The following C10orf90 variants were observed in gnomAD, a reference collection of about 807,000 sequenced individuals.
C10orf90 encodes the protein chromosome 10 open reading frame 90, also known as (E2-independent) E3 ubiquitin-conjugating enzyme FATS.
C10orf90 carries 56 observed loss-of-function variants against 62.5 expected under a neutral mutation model. The observed-to-expected ratio is 0.90, with a 90% CI of 0.72 to 1.12. The LOEUF (loss-of-function observed/expected upper bound fraction) is 1.12, where lower values mean the gene tolerates loss of function less well. Among genes scored for constraint, C10orf90 ranks in the 50% most tolerant of loss-of-function variants. C10orf90 has a pLI of 0.00. For missense variants in C10orf90, 970 were observed against 880.4 expected (o/e 1.10, Z -1.29); for synonymous variants, 386 against 340.4 (o/e 1.13, Z -1.47).
At chr10:126,646,303 A>G (rs1333177203) in intron 2 of C10orf90, among the ~76,000 whole-genome samples, 1 of 152,206 alleles carries the variant, frequency 6.6e-6, no homozygotes, top group Non-Finnish European at 1.5e-5. Context: ...CACATGCTCC[A>G]CGCTCTGCAG....
intron 2 of C10orf90, among the ~76,000 whole-genome samples, chr10:126,597,055 T>A (rs1413019486): frequency 6.6e-6 from 1 of 152,188 alleles, no homozygotes; most frequent in Non-Finnish European, 1.5e-5. Flanking sequence ...CAATATCAAG[T>A]GTTGCTGAAA....
At chr10:126,532,723 G>A (rs1031212274) in intron 2 of C10orf90, among the ~76,000 whole-genome samples, 1 of 149,712 alleles carries the variant, frequency 6.7e-6, no homozygotes, top group African/African-American at 2.5e-5. Context: ...TGTAGTCCCA[G>A]CTACTCCGGA....
At chr10:126,440,982 A>G (rs775011228) in intron 7 of C10orf90, among the ~76,000 whole-genome samples, 1 of 152,196 alleles carries the variant, frequency 6.6e-6, no homozygotes, top group Non-Finnish European at 1.5e-5. Context: ...GCTCTTTAAC[A>G]TCCCCCAAAA....
intron 7 of C10orf90, among the ~76,000 whole-genome samples, chr10:126,441,458 A>T (rs1429447275): frequency 6.6e-6 from 1 of 152,144 alleles, no homozygotes; most frequent in Non-Finnish European, 1.5e-5. Context: ...TGGAAAACAT[A>T]TTGGGGGAAT....
Position 126,628,919 on chromosome 10 carries a change from C to T in C10orf90, c.313+17646G>A, listed in dbSNP as rs538895682. Among the ~76,000 whole-genome samples, 5 of 152,322 alleles carry T rather than the reference C, an allele frequency of 3.3e-5. No homozygotes were observed. In the South Asian group the frequency reaches 8.3e-4, roughly 25 times the overall value. On this transcript the variant is annotated intron_variant, in intron 2 of 9. Coordinates refer to ENST00000488181, the MANE Select transcript of C10orf90 (RefSeq NM_001350921.2). The stretch of plus-strand genomic sequence containing the variant: ...CTGCCCCTTCCAAACACACTGCTAT[C>T]ATGGGTGCCCACCGCTGTGTAGACA...
intron 4 of C10orf90, among the ~76,000 whole-genome samples, chr10:126,490,015 A>ATATATTATGT (rs1258732646): frequency 9.5e-5 from 3 of 31,614 alleles, no homozygotes; most frequent in African/African-American, 1.4e-4. Flanking sequence ...TATATATATT[A>ATATATTATGT]TATATAATAT....
chr10:126,573,946 A>G (rs1457277888), intron 2 of C10orf90, among the ~76,000 whole-genome samples: 1 of 152,056 alleles, frequency 6.6e-6, no homozygotes, highest in Non-Finnish European at 1.5e-5. Flanking sequence ...GCTCTGGGGG[A>G]CTTACTTTTT....
At chr10:126,583,481 A>G (rs1194951238) in intron 2 of C10orf90, among the ~76,000 whole-genome samples, 3 of 152,222 alleles carry the variant, frequency 2.0e-5, no homozygotes, top group Non-Finnish European at 4.4e-5. Context: ...CTCTGAATTT[A>G]TATTCTTAAA....
chr10:126,563,975 T>C (rs1355431224), intron 2 of C10orf90, among the ~76,000 whole-genome samples: 7 of 152,240 alleles, frequency 4.6e-5, no homozygotes, highest in African/African-American at 1.7e-4. Context: ...ATGAGGGCTG[T>C]CCTGTGCCTT....
intron 2 of C10orf90, among the ~76,000 whole-genome samples, chr10:126,533,353 A>G (rs765268531): frequency 2.0e-5 from 3 of 152,186 alleles, no homozygotes; most frequent in Non-Finnish European, 2.9e-5. Context: ...CAGCCATGTC[A>G]TACATATTTT....
At chr10:126,535,500 G>A (rs1448573522) in intron 2 of C10orf90, among the ~76,000 whole-genome samples, 3 of 144,144 alleles carry the variant, frequency 2.1e-5, no homozygotes, top group Admixed American at 7.2e-5. Context: ...CTGGGCAACA[G>A]AGCCAGACGC....
intron 2 of C10orf90, among the ~76,000 whole-genome samples, chr10:126,560,371 G>A (rs746855888): frequency 2.0e-5 from 3 of 152,152 alleles, no homozygotes; most frequent in Admixed American, 6.5e-5. Flanking sequence ...GAAGGTTCGA[G>A]GCACGGTGAT....
chr10:126,649,078 C>CT lies in C10orf90; in HGVS notation c.241-2442_241-2441insA, dbSNP rs1165912408. On this transcript the variant is annotated intron_variant, in intron 1 of 9. Coordinates refer to ENST00000488181, the MANE Select transcript of C10orf90 (RefSeq NM_001350921.2). The stretch of plus-strand genomic sequence containing the variant: ...TCTCTCTCTCTCTCTCTCTCCCCCC[C>CT]CCCCAGCAATTCACAATGGATGGCA... 4.7e-5 allele frequency among the ~76,000 whole-genome samples: 5 copies of CT among 106,096 alleles called. 1 individual carries two copies. The highest frequency in any genetic ancestry group is 5.2e-3 in the Middle Eastern group (1 of 194). 69.6% of individuals were successfully genotyped at this position (106,096 alleles called of 152,430 possible).
At chr10:126,475,436 C>G (rs990849771) in intron 4 of C10orf90, among the ~76,000 whole-genome samples, 5 of 152,334 alleles carry the variant, frequency 3.3e-5, no homozygotes, top group South Asian at 2.1e-4. Flanking sequence ...CCTACAACAA[C>G]TTCCATGCAT....
chr10:126,468,569 C>T (rs1242655144), intron 4 of C10orf90, among the ~76,000 whole-genome samples: 15 of 152,086 alleles, frequency 9.9e-5, no homozygotes, highest in African/African-American at 3.1e-4. Flanking sequence ...GGCATGTGTC[C>T]GGGCATGCTG....
chr10:126,426,218 C>A, intron 8 of C10orf90, 128 bp from the exon 9 acceptor site: 1 of 749,896 alleles, frequency 1.3e-6, no homozygotes, highest in African/African-American at 1.7e-5. Flanking sequence ...GGCTAGCTCA[C>A]AACTGTAGGA....
intron 7 of C10orf90, among the ~76,000 whole-genome samples, chr10:126,444,603 A>AATCT (rs373034302): frequency 6.6e-6 from 1 of 152,310 alleles, no homozygotes; most frequent in African/African-American, 2.4e-5. Context: ...TGCCAAAAGC[A>AATCT]ATCTACAAAT....
rs780281224 is a variant in C10orf90 at position 126,453,633 on chromosome 10, C to T, written c.2188+5407G>A. ...GGGGGCAACGTGGGCTGAGTTTGAG[C>T]ACTGTCAGGCTGAGTTAACTGCAGT... On this transcript the variant is annotated intron_variant, in intron 7 of 9. Coordinates refer to ENST00000488181, the MANE Select transcript of C10orf90 (RefSeq NM_001350921.2). This position sits in a 1 kb window ranked among gnomAD's most constrained non-coding sequence, Gnocchi z 4.9. 3.9e-5 allele frequency among the ~76,000 whole-genome samples: 6 copies of T among 152,150 alleles called. No homozygotes were observed. The highest frequency in any genetic ancestry group is 5.9e-5 in the Non-Finnish European group (4 of 68,038).
At position 126,545,964 on chromosome 10, in the gene C10orf90, G is replaced by A. The variant is rs113967565; in HGVS notation, c.314-32025C>T. On this transcript the variant is annotated intron_variant, in intron 2 of 9. Transcript: ENST00000488181. ...TAACATAAGCAGACTCTTAAAGGTG[G>A]AGAGGAGAAAGACTAGCTATGGACC... 5.2e-4 allele frequency among the ~76,000 whole-genome samples: 79 copies of A among 152,236 alleles called. 1 individual carries two copies. Among genetic ancestry groups the A allele is most frequent in the African/African-American group, 1.8e-3 (74 of 41,540 alleles).
Sources: allele counts gnomAD v4.1 joint callset (sites outside exome capture counted in the v4.1 genomes callset), GRCh38; gene constraint gnomAD v4.1.1; non-coding constraint Gnocchi (gnomAD v3.1); transcripts MANE v1.5; gene names NCBI Gene and HGNC (gene_info 2026-07-23, HGNC 2026-07-21).